Variants in PTPRD observed in about 807,000 individuals in gnomAD.
PTPRD encodes the protein receptor-type tyrosine-protein phosphatase delta.
Under a neutral mutation model 214.5 loss-of-function variants are expected in PTPRD, and 34 were observed. The observed-to-expected ratio is 0.16, with a 90% confidence interval of 0.12 to 0.21. The LOEUF is 0.21. PTPRD is among the 10% of genes least tolerant of loss of function. The probability of loss-of-function intolerance (pLI) is 1.00; values close to 1 mark genes in which losing one functional copy is unlikely to be tolerated. For synonymous variants in PTPRD, 1,128 were observed against 845.7 expected (o/e 1.33, Z -5.79); for missense variants, 2,545 against 2,398.7 (o/e 1.06, Z -1.27).
At chr9:8,794,022 G>C (rs932988897) in intron 11 of PTPRD, among the ~76,000 whole-genome samples, 2 of 152,270 alleles carry the variant, frequency 1.3e-5, no homozygotes, top group South Asian at 2.1e-4. Flanking sequence ...GGAAACTAAA[G>C]AAACGTCTTA....
At chr9:9,704,700 A>T (rs1193132786) in intron 7 of PTPRD, among the ~76,000 whole-genome samples, 1 of 152,180 alleles carries the variant, frequency 6.6e-6, no homozygotes, top group Non-Finnish European at 1.5e-5. Context: ...TCAGGAAAAA[A>T]ATCTGACTAC....
At chr9:8,998,120 T>C (rs1245351290) in intron 11 of PTPRD, among the ~76,000 whole-genome samples, 1 of 152,112 alleles carries the variant, frequency 6.6e-6, no homozygotes, top group East Asian at 1.9e-4. Context: ...CTGCAGCATG[T>C]TAGCTGGAAG....
chr9:9,463,621 CCTT>C (rs994327714), intron 8 of PTPRD, among the ~76,000 whole-genome samples: 12 of 151,962 alleles, frequency 7.9e-5, no homozygotes. Flanking sequence ...TTTTTTAAAA[CCTT>C]CTATTTTTAT....
At chr9:8,371,440 T>A (rs977849285) in intron 39 of PTPRD, among the ~76,000 whole-genome samples, 1 of 152,052 alleles carries the variant, frequency 6.6e-6, no homozygotes, top group Admixed American at 6.6e-5. Context: ...GTACGTATGA[T>A]CTGCACACAT....
At chr9:8,540,437 T>C (rs1243621648) in intron 14 of PTPRD, among the ~76,000 whole-genome samples, 1 of 152,102 alleles carries the variant, frequency 6.6e-6, no homozygotes. Flanking sequence ...AGTATTTAAT[T>C]ACAAACAATG....
chr9:9,388,500 C>A (rs1024410066), intron 9 of PTPRD, among the ~76,000 whole-genome samples: 9 of 152,118 alleles, frequency 5.9e-5, no homozygotes, highest in African/African-American at 2.2e-4. Flanking sequence ...TGAACTAGGA[C>A]TGTCCAAGTA....
At chr9:8,658,671 GAAAAA>G (rs35547116) in intron 12 of PTPRD, among the ~76,000 whole-genome samples, 4 of 122,170 alleles carry the variant, frequency 3.3e-5, no homozygotes, top group African/African-American at 8.7e-5. Flanking sequence ...AGCACATTTG[GAAAAA>G]AAAAAAAAAA....
intron 10 of PTPRD, among the ~76,000 whole-genome samples, chr9:9,106,958 T>G (rs1218554392): frequency 6.6e-6 from 1 of 152,198 alleles, no homozygotes; most frequent in East Asian, 1.9e-4. Flanking sequence ...GAGAACAGTC[T>G]CCAAGGACAG....
At chr9:10,468,686 G>C (rs1450702552) in intron 2 of PTPRD, among the ~76,000 whole-genome samples, 1 of 151,852 alleles carries the variant, frequency 6.6e-6, no homozygotes, top group Non-Finnish European at 1.5e-5. Context: ...AGAGGGAAAG[G>C]CTTATTAAAA....
At chr9:10,322,702 A>G (rs773457594) in intron 3 of PTPRD, among the ~76,000 whole-genome samples, 15 of 152,100 alleles carry the variant, frequency 9.9e-5, no homozygotes, top group Non-Finnish European at 2.2e-4. Flanking sequence ...ACATCAACCA[A>G]TTTGCACATT....
intron 8 of PTPRD, among the ~76,000 whole-genome samples, chr9:9,556,019 C>T (rs1183488753): frequency 3.9e-5 from 6 of 151,996 alleles, no homozygotes; most frequent in Admixed American, 3.3e-4. Flanking sequence ...ATGTGGGGGA[C>T]CCCACAGGTA....
At chr9:10,488,243 T>C (rs549603445) in intron 2 of PTPRD, among the ~76,000 whole-genome samples, 18 of 151,866 alleles carry the variant, frequency 1.2e-4, no homozygotes, top group African/African-American at 4.1e-4. Flanking sequence ...GGCGGGCGCC[T>C]GTAGTCCCAG....
chr9:9,836,405 C>G (rs2056775962), intron 5 of PTPRD, among the ~76,000 whole-genome samples: 1 of 152,114 alleles, frequency 6.6e-6, no homozygotes, highest in African/African-American at 2.4e-5. Flanking sequence ...GGCTCATTAC[C>G]CACGTGGTCA....
At chr9:8,468,969 C>T (rs887281123) in intron 31 of PTPRD, among the ~76,000 whole-genome samples, 6 of 152,052 alleles carry the variant, frequency 3.9e-5, no homozygotes, top group South Asian at 2.1e-4. Context: ...AAATAATTTT[C>T]ATTTTCCAGT....
At chr9:9,604,879 A>C (rs73388985) in intron 7 of PTPRD, among the ~76,000 whole-genome samples, 5,311 of 152,056 alleles carry the variant, frequency 0.035, 264 homozygotes, top group African/African-American at 0.11. Flanking sequence ...TAAAGAACAA[A>C]AAAAAAAGAG....
At chr9:9,631,641 G>A (rs925905823) in intron 7 of PTPRD, among the ~76,000 whole-genome samples, 12 of 152,142 alleles carry the variant, frequency 7.9e-5, no homozygotes, top group African/African-American at 2.7e-4. Context: ...CACAAGCAAT[G>A]TCAGGTAACA....
chr9:8,516,208 C>A (rs2097778041), intron 21 of PTPRD, among the ~76,000 whole-genome samples: 1 of 152,110 alleles, frequency 6.6e-6, no homozygotes, highest in African/African-American at 2.4e-5. Context: ...GTCTACATTT[C>A]CCAATGAGAA....
At chr9:10,401,256 C>T (rs2098265088) in intron 2 of PTPRD, among the ~76,000 whole-genome samples, 1 of 151,536 alleles carries the variant, frequency 6.6e-6, no homozygotes, top group African/African-American at 2.4e-5. Flanking sequence ...TTTAATACAG[C>T]AGTAGCATCG....
intron 4 of PTPRD, among the ~76,000 whole-genome samples, chr9:9,964,057 C>CAGAGGCAGAGACGGAGGCAGAGACGG (rs1555403171): frequency 3.4e-5 from 5 of 147,938 alleles, no homozygotes; most frequent in East Asian, 2.0e-4. Context: ...GAGGCAGAGG[C>CAGAGGCAGAGACGGAGGCAGAGACGG]AGGCAGAGAC....
Sources: allele counts gnomAD v4.1 joint callset (sites outside exome capture counted in the v4.1 genomes callset), GRCh38; gene constraint gnomAD v4.1.1; transcripts MANE v1.5; gene names NCBI Gene and HGNC (gene_info 2026-07-23, HGNC 2026-07-21).